The following ITGB6 variants were observed in gnomAD, a reference collection of about 807,000 sequenced individuals.
The protein encoded by ITGB6 is integrin beta-6.
A neutral mutation model predicts 84.5 loss-of-function variants in ITGB6; 80 were observed. The ratio of observed to expected loss-of-function variants is 0.95; its 90% CI spans 0.79 to 1.14. The LOEUF is 1.14. ITGB6 is among the 50% of genes most tolerant of loss of function. The pLI is 0.00. For synonymous variants in ITGB6, 383 were observed against 354.9 expected (o/e 1.08, Z -0.89); for missense variants, 1,006 against 968.0 (o/e 1.04, Z -0.52).
At chr2:160,180,719 C>T (rs1161369158) in intron 4 of ITGB6, among the ~76,000 whole-genome samples, 3 of 152,218 alleles carry the variant, frequency 2.0e-5, no homozygotes, top group Admixed American at 6.5e-5. Context: ...ATAGGAACAG[C>T]TCCAGTATGC....
At chr2:160,153,034 T>C (rs1228714226) in intron 7 of ITGB6, among the ~76,000 whole-genome samples, 1 of 152,218 alleles carries the variant, frequency 6.6e-6, no homozygotes, top group Non-Finnish European at 1.5e-5. Flanking sequence ...ATAAGTTCAA[T>C]GCCATCCCTA....
At chr2:160,186,803 A>G (rs1290271091) in intron 4 of ITGB6, among the ~76,000 whole-genome samples, 1 of 152,202 alleles carries the variant, frequency 6.6e-6, no homozygotes, top group Non-Finnish European at 1.5e-5. Context: ...GGATGAGTTC[A>G]TGCCCTTTGC....
chr2:160,160,745 T>G (rs563648048), intron 7 of ITGB6, among the ~76,000 whole-genome samples: 1 of 152,212 alleles, frequency 6.6e-6, no homozygotes, highest in Non-Finnish European at 1.5e-5. Context: ...GACTCCTGCA[T>G]AGTGATACAA....
chr2:160,198,485 T>C (rs1249027319), intron 2 of ITGB6, among the ~76,000 whole-genome samples: 1 of 152,232 alleles, frequency 6.6e-6, no homozygotes, highest in Non-Finnish European at 1.5e-5. Context: ...TGTTTTAAAA[T>C]TCAGAAAGCT....
At chr2:160,117,857 C>A (rs1682854810) in intron 12 of ITGB6, among the ~76,000 whole-genome samples, 1 of 152,164 alleles carries the variant, frequency 6.6e-6, no homozygotes, top group Non-Finnish European at 1.5e-5. Flanking sequence ...CACAGAAATA[C>A]AAACTACCAT....
At chr2:160,169,533 C>T (rs1015168182) in intron 6 of ITGB6, among the ~76,000 whole-genome samples, 4 of 152,188 alleles carry the variant, frequency 2.6e-5, no homozygotes, top group Admixed American at 2.0e-4. Flanking sequence ...AGAGTCAGTT[C>T]CTGTTGATGT....
intron 7 of ITGB6, among the ~76,000 whole-genome samples, chr2:160,145,396 G>T (rs1684149147): frequency 6.6e-6 from 1 of 152,044 alleles, no homozygotes; most frequent in African/African-American, 2.4e-5. Flanking sequence ...CATTCTTTCT[G>T]GTTACCTTAG....
At chr2:160,182,571 A>G (rs1685722872) in intron 4 of ITGB6, among the ~76,000 whole-genome samples, 1 of 152,246 alleles carries the variant, frequency 6.6e-6, no homozygotes, top group Non-Finnish European at 1.5e-5. Flanking sequence ...AACACTCTTC[A>G]GGATATTATC....
chr2:160,183,655 A>G (rs996367396), intron 4 of ITGB6, among the ~76,000 whole-genome samples: 3 of 152,322 alleles, frequency 2.0e-5, no homozygotes, highest in Middle Eastern at 3.4e-3. Context: ...AGACATCTAC[A>G]GAACTCTGCA....
rs1696714775 is a variant in ITGB6, at chr2:160,101,426, AT to A, written c.*309del. The A allele has an allele frequency of 6.8e-6, 2 of 293,782 alleles. No homozygotes were observed. Among genetic ancestry groups the A allele is most frequent in the Non-Finnish European group, 1.3e-5 (2 of 158,386 alleles). 18.2% of individuals were successfully genotyped at this position (293,782 alleles called of 1,614,324 possible). A position where few individuals can be genotyped will look rare whatever the true frequency, so the allele number is the denominator to read the frequency against. On this transcript the variant is annotated 3_prime_UTR_variant, in exon 15 of 15. Coordinates refer to ENST00000283249, the MANE Select transcript of ITGB6 (RefSeq NM_000888.5). ...CATTCCTGAAACAAATGAGACTCTA[AT>A]TTCAAACATTTTTCAAATGCAAATC...
intron 7 of ITGB6, among the ~76,000 whole-genome samples, chr2:160,155,616 G>C (rs912212986): frequency 1.3e-5 from 2 of 152,064 alleles, no homozygotes; most frequent in African/African-American, 4.8e-5. Context: ...ACCTAAAACT[G>C]CTTGAAAAAT....
intron 4 of ITGB6, among the ~76,000 whole-genome samples, chr2:160,187,644 T>G (rs10202454): frequency 0.16 from 24,710 of 152,102 alleles, 4,196 homozygotes; most frequent in East Asian, 0.45. Flanking sequence ...TAAAGAGATT[T>G]CCGAATATGT....
chr2:160,191,214 G>T (rs1686128270), intron 4 of ITGB6, among the ~76,000 whole-genome samples: 1 of 152,024 alleles, frequency 6.6e-6, no homozygotes, highest in South Asian at 2.1e-4. Context: ...AATTTTTGAG[G>T]GTATAAGTCT....
rs1382635904 is a variant in ITGB6, at chr2:160,101,600, A to G, written c.*136T>C. The G allele has an allele frequency of 2.0e-5, 13 of 658,868 alleles. No homozygotes were observed. Among genetic ancestry groups the G allele is most frequent in the Non-Finnish European group, 3.3e-5 (12 of 368,588 alleles). The allele number at this position is 658,868 out of a possible 1,614,324, so 40.8% of individuals were successfully genotyped here. On this transcript the variant is annotated 3_prime_UTR_variant, in exon 15 of 15. Transcript: ENST00000283249. Reference sequence around the variant, plus strand: ...TGCCAACAGTCTGTCACCTTCATGTAGAGGATGACTTATCTGCAGATGTCC... The same window carrying G: ...TGCCAACAGTCTGTCACCTTCATGTGGAGGATGACTTATCTGCAGATGTCC...
At chr2:160,176,747 G>T (rs567289023) in intron 4 of ITGB6, among the ~76,000 whole-genome samples, 5 of 152,142 alleles carry the variant, frequency 3.3e-5, no homozygotes, top group Non-Finnish European at 7.3e-5. Context: ...CTAGAATAAT[G>T]TTTTTTCCTG....
At chr2:160,146,156 C>T (rs977368053) in intron 7 of ITGB6, among the ~76,000 whole-genome samples, 18 of 152,190 alleles carry the variant, frequency 1.2e-4, no homozygotes, top group South Asian at 1.0e-3. Flanking sequence ...AGTCACAAGT[C>T]GAGTGGTCAC....
At chr2:160,132,548 A>G (rs1683511450) in intron 10 of ITGB6, among the ~76,000 whole-genome samples, 1 of 152,140 alleles carries the variant, frequency 6.6e-6, no homozygotes, top group Non-Finnish European at 1.5e-5. Flanking sequence ...AGTTTTCTAT[A>G]AAGATAATGG....
chr2:160,126,810 T>C (rs1159085799), intron 10 of ITGB6, among the ~76,000 whole-genome samples: 1 of 152,194 alleles, frequency 6.6e-6, no homozygotes, highest in African/African-American at 2.4e-5. Context: ...TTAGATCTGG[T>C]CTCCTAACTG....
chr2:160,131,639 A>G (rs1683474437), intron 10 of ITGB6, among the ~76,000 whole-genome samples: 1 of 152,194 alleles, frequency 6.6e-6, no homozygotes, highest in African/African-American at 2.4e-5. Flanking sequence ...TTGAAAGAAA[A>G]GTTACTAATT....
Sources: allele counts gnomAD v4.1 joint callset (sites outside exome capture counted in the v4.1 genomes callset), GRCh38; gene constraint gnomAD v4.1.1; transcripts MANE v1.5; gene names NCBI Gene and HGNC (gene_info 2026-07-23, HGNC 2026-07-21).